The following CELF2 variants were observed in gnomAD, a reference collection of about 807,000 sequenced individuals.
CELF2 encodes CUGBP Elav-like family member 2.
A neutral mutation model predicts 62.6 loss-of-function variants in CELF2; 8 were observed. The ratio of observed to expected loss-of-function variants is 0.13; its 90% CI spans 0.07 to 0.23. The LOEUF (loss-of-function observed/expected upper bound fraction) is 0.23, where lower values mean the gene tolerates loss of function less well. CELF2 is among the 10% of genes least tolerant of loss of function. The probability of loss-of-function intolerance (pLI) is 1.00; values close to 1 mark genes in which losing one functional copy is unlikely to be tolerated. For synonymous variants in CELF2, 258 were observed against 250.0 expected (o/e 1.03, Z -0.30); for missense variants, 333 against 671.0 (o/e 0.50, Z 5.56).
At position 11,159,518 on chromosome 10, in the gene CELF2, C is replaced by T. The variant is rs2065230342; in HGVS notation, c.75-5968C>T. Reference sequence around the variant, plus strand: ...TAAGTTGAGCATGGACAGGGCGCCTCCTGAGGGTAGGGCCTGAGTTTCTGA... The same window carrying T: ...TAAGTTGAGCATGGACAGGGCGCCTTCTGAGGGTAGGGCCTGAGTTTCTGA... On this transcript the variant is annotated intron_variant, in intron 1 of 12. Coordinates refer to ENST00000633077, the MANE Select transcript of CELF2 (RefSeq NM_001326342.2). This position sits in a 1 kb window ranked among gnomAD's most constrained non-coding sequence, Gnocchi z 5.0. Among the ~76,000 whole-genome samples the T allele has an allele frequency of 6.6e-6, 1 of 152,208 alleles. No individual in the cohort carries two copies. Among genetic ancestry groups the T allele is most frequent in the African/African-American group, 2.4e-5 (1 of 41,440 alleles).
At chr10:10,687,411 T>G in the CELF2 span, among the ~76,000 whole-genome samples, 2 of 152,206 alleles carry the variant, frequency 1.3e-5, no homozygotes, top group African/African-American at 4.8e-5. Context: ...CAAATACTAT[T>G]GAACGAACCT....
At chr10:10,792,643 G>C in the CELF2 span, 1 of 389,162 alleles carries the variant, frequency 2.6e-6, no homozygotes, top group Non-Finnish European at 4.5e-6. Flanking sequence ...ATGATATGGA[G>C]ACTATCTGAG....
the CELF2 span, among the ~76,000 whole-genome samples, chr10:10,653,252 CCA>C: frequency 6.8e-4 from 104 of 151,990 alleles, no homozygotes; most frequent in Non-Finnish European, 1.2e-3. Flanking sequence ...ACTTAGACTC[CCA>C]CACATTCATA....
the CELF2 span, among the ~76,000 whole-genome samples, chr10:10,625,365 A>G: frequency 7.2e-5 from 11 of 152,354 alleles, no homozygotes; most frequent in Non-Finnish European, 1.2e-4. Flanking sequence ...ATATTAATGC[A>G]TTTGATGCTC....
At chr10:11,070,533 T>C (rs896369891) in intron 1 of CELF2, among the ~76,000 whole-genome samples, 1 of 152,150 alleles carries the variant, frequency 6.6e-6, no homozygotes, top group Non-Finnish European at 1.5e-5. Flanking sequence ...GGTGAGAAAT[T>C]TCCGGCTGGA....
the CELF2 span, among the ~76,000 whole-genome samples, chr10:10,716,875 C>A: frequency 6.6e-6 from 1 of 152,180 alleles, no homozygotes; most frequent in Admixed American, 6.5e-5. Context: ...GCCTAAATTT[C>A]ATGACCCAGA....
chr10:11,096,819 G>A (rs1369759403), intron 1 of CELF2, among the ~76,000 whole-genome samples: 2 of 152,200 alleles, frequency 1.3e-5, no homozygotes, highest in African/African-American at 4.8e-5. Context: ...GATGATGGAG[G>A]TTACTTTCAA....
intron 1 of CELF2, among the ~76,000 whole-genome samples, chr10:11,091,071 T>C (rs1291820): frequency 0.014 from 2,065 of 152,308 alleles, 54 homozygotes; most frequent in African/African-American, 0.047. Context: ...CCTTCTGAAA[T>C]TCCTTTTGAA....
At chr10:11,096,611 T>A (rs2049946249) in intron 1 of CELF2, among the ~76,000 whole-genome samples, 1 of 152,226 alleles carries the variant, frequency 6.6e-6, no homozygotes, top group South Asian at 2.1e-4. Context: ...TTGGGTTGTA[T>A]GGCCAGACTG....
intron 1 of CELF2, among the ~76,000 whole-genome samples, chr10:11,052,994 G>A (rs1030954440): frequency 6.7e-6 from 1 of 149,792 alleles, no homozygotes; most frequent in African/African-American, 2.5e-5. Flanking sequence ...TACAGCCTGA[G>A]TTTTTTTTTT....
At chr10:10,746,175 T>G in the CELF2 span, among the ~76,000 whole-genome samples, 1 of 152,248 alleles carries the variant, frequency 6.6e-6, no homozygotes, top group Non-Finnish European at 1.5e-5. Flanking sequence ...CTTTCTGCTT[T>G]TAAATCTTGT....
In CELF2 at chr10:11,231,799, T is replaced by C. The variant is rs535536323; in HGVS notation, c.354+14292T>C. ...AAGACAGCATGAGGTCAACTGAACCTGATCCTGTCTCTTCTCTTTCCCCTC... is the reference window on the plus strand; with the variant it reads ...AAGACAGCATGAGGTCAACTGAACCCGATCCTGTCTCTTCTCTTTCCCCTC... On this transcript the variant is annotated intron_variant, in intron 3 of 12. Transcript: ENST00000633077. 2.6e-5 allele frequency among the ~76,000 whole-genome samples: 4 copies of C among 151,826 alleles called. No homozygotes were observed. In the East Asian group the frequency reaches 7.8e-4, roughly 29 times the overall value.
In CELF2 at chr10:11,211,827, T is replaced by A. The variant is rs970438151; in HGVS notation, c.272-5598T>A. On this transcript the variant is annotated intron_variant, in intron 2 of 12. Transcript: ENST00000633077. The surrounding 1 kb of genome is among the most constrained non-coding windows in gnomAD (Gnocchi z 4.8). ...GAGAGAGAGAGAGTGTGTGTGTGTG[T>A]GTGTGTGTGTGTGTGTGTGTGTGTG... Among the ~76,000 whole-genome samples, 7 of 149,642 alleles carry A rather than the reference T, an allele frequency of 4.7e-5. No homozygotes were observed. The highest frequency in any genetic ancestry group is 1.9e-4 in the East Asian group (1 of 5,146).
At chr10:10,580,740 C>T in the CELF2 span, among the ~76,000 whole-genome samples, 1 of 152,180 alleles carries the variant, frequency 6.6e-6, no homozygotes, top group Non-Finnish European at 1.5e-5. Flanking sequence ...CAAGCTTTCT[C>T]CTCTTGGCAG....
chr10:11,003,112 A>G (rs947625928), upstream of CELF2, among the ~76,000 whole-genome samples: 1 of 152,224 alleles, frequency 6.6e-6, no homozygotes, highest in Admixed American at 6.5e-5. This position sits in a 1 kb window ranked among gnomAD's most constrained non-coding sequence, Gnocchi z 4.4. Flanking sequence ...GTGGATGTAA[A>G]GCCCTCAATC....
At chr10:10,701,866 T>C in the CELF2 span, among the ~76,000 whole-genome samples, 1 of 152,218 alleles carries the variant, frequency 6.6e-6, no homozygotes, top group African/African-American at 2.4e-5. Flanking sequence ...AATCCCTAGC[T>C]ACCCACCTTT....
At chr10:11,032,223 A>G (rs559479258) in intron 1 of CELF2, among the ~76,000 whole-genome samples, 12 of 148,134 alleles carry the variant, frequency 8.1e-5, no homozygotes, top group African/African-American at 2.2e-4. Context: ...TGTCCTTAGA[A>G]CCTGGCTTTG....
intron 1 of CELF2, among the ~76,000 whole-genome samples, chr10:11,052,165 G>A (rs2064078168): frequency 6.6e-6 from 1 of 152,026 alleles, no homozygotes; most frequent in Non-Finnish European, 1.5e-5. Flanking sequence ...TGAATTCCTG[G>A]GCTCAAGCAA....
chr10:11,004,069 G>A (rs559083779), upstream of CELF2, among the ~76,000 whole-genome samples: 1 of 152,290 alleles, frequency 6.6e-6, no homozygotes, highest in East Asian at 1.9e-4. This position sits in a 1 kb window ranked among gnomAD's most constrained non-coding sequence, Gnocchi z 5.0. Context: ...CATTTTTCTA[G>A]CTGTGGATCA....
Sources: allele counts gnomAD v4.1 joint callset (sites outside exome capture counted in the v4.1 genomes callset), GRCh38; gene constraint gnomAD v4.1.1; non-coding constraint Gnocchi (gnomAD v3.1); transcripts MANE v1.5; gene names NCBI Gene and HGNC (gene_info 2026-07-23, HGNC 2026-07-21).